The following CHRM3 variants were observed in gnomAD, a reference collection of about 807,000 sequenced individuals.
The protein encoded by CHRM3 is cholinergic receptor muscarinic 3.
A neutral mutation model predicts 41.8 loss-of-function variants in CHRM3; 11 were observed. The ratio of observed to expected loss-of-function variants is 0.26; its 90% CI spans 0.17 to 0.44. CHRM3 has a LOEUF of 0.44. Ranked by LOEUF, CHRM3 falls within the 20% of genes least tolerant of loss-of-function variation. CHRM3 has a pLI of 1.00. For synonymous variants in CHRM3, 297 were observed against 301.4 expected, an observed-to-expected ratio of 0.99 and a Z score of 0.15; for missense variants, 571 against 745.4, an observed-to-expected ratio of 0.77 and a Z score of 2.72.
intron 5 of CHRM3, among the ~76,000 whole-genome samples, chr1:239,701,358 T>C (rs185838329): frequency 1.3e-3 from 191 of 152,278 alleles, no homozygotes; most frequent in South Asian, 3.7e-3. Context: ...GACAGAGGGG[T>C]GCCCAGAGGC....
At chr1:239,883,548 G>C (rs1301575915) in intron 6 of CHRM3, among the ~76,000 whole-genome samples, 1 of 152,118 alleles carries the variant, frequency 6.6e-6, no homozygotes, top group Non-Finnish European at 1.5e-5. Flanking sequence ...AAATTTATTT[G>C]ATCCTCCCTA....
chr1:239,534,504 T>C (rs1055977185), intron 2 of CHRM3, among the ~76,000 whole-genome samples: 1 of 152,234 alleles, frequency 6.6e-6, no homozygotes, highest in African/African-American at 2.4e-5. Context: ...TCTGTACTGA[T>C]GCCAAAGTTA....
At chr1:239,727,475 A>C (rs528438692) in intron 5 of CHRM3, among the ~76,000 whole-genome samples, 9 of 151,902 alleles carry the variant, frequency 5.9e-5, no homozygotes, top group Non-Finnish European at 1.3e-4. Context: ...CTTCATGCTT[A>C]TTATGAATTT....
At position 239,731,255 on chromosome 1, in the gene CHRM3, C is replaced by T. The variant is rs559742599; in HGVS notation, c.-147+52967C>T. ...AGGCTAAAAATAGAGATCCAGGAGT[C>T]ATCACTATATGGATGTCAGTGGAAT... is the stretch of plus-strand genomic sequence containing the variant. On this transcript the variant is annotated intron_variant, in intron 5 of 6. Transcript: ENST00000676153. Among the ~76,000 whole-genome samples the T allele has an allele frequency of 3.3e-5, 5 of 151,952 alleles. No homozygotes were observed. In the East Asian group the frequency reaches 5.9e-4, roughly 18 times the overall value.
chr1:239,428,676 CCT>C (rs754232313), intron 1 of CHRM3, among the ~76,000 whole-genome samples: 2 of 152,014 alleles, frequency 1.3e-5, no homozygotes, highest in Non-Finnish European at 2.9e-5. Context: ...AAATATTTTC[CCT>C]GTTTTAGTTT....
chr1:239,689,344 A>G (rs1659483789), intron 5 of CHRM3, among the ~76,000 whole-genome samples: 1 of 152,232 alleles, frequency 6.6e-6, no homozygotes, highest in South Asian at 2.1e-4. Flanking sequence ...ATGTTGCCTT[A>G]GCTTTGAGTA....
At chr1:239,805,352 G>A (rs1670549000) in intron 5 of CHRM3, among the ~76,000 whole-genome samples, 1 of 152,162 alleles carries the variant, frequency 6.6e-6, no homozygotes, top group African/African-American at 2.4e-5. Context: ...CATTTCACTC[G>A]GGACCCTTCA....
chr1:239,891,282 C>T (rs1462236340), intron 6 of CHRM3, among the ~76,000 whole-genome samples: 1 of 152,148 alleles, frequency 6.6e-6, no homozygotes, highest in African/African-American at 2.4e-5. Context: ...TAATTCCAGA[C>T]ACCTAACCTC....
intron 1 of CHRM3, among the ~76,000 whole-genome samples, chr1:239,414,240 A>T (rs1178843714): frequency 6.6e-6 from 1 of 152,200 alleles, no homozygotes; most frequent in Non-Finnish European, 1.5e-5. Flanking sequence ...TTAATTTGGT[A>T]TTGAACACAT....
At chr1:239,404,408 GAAA>G (rs773489004) in intron 1 of CHRM3, among the ~76,000 whole-genome samples, 3 of 38,784 alleles carry the variant, frequency 7.7e-5, no homozygotes, top group East Asian at 6.5e-4. Context: ...AAGAAAGAAA[GAAA>G]AAGAAAGAAA....
chr1:239,489,139 C>T (rs1055193893), intron 1 of CHRM3, among the ~76,000 whole-genome samples: 9 of 152,010 alleles, frequency 5.9e-5, no homozygotes, highest in Non-Finnish European at 1.2e-4. Flanking sequence ...GGGGGCCAGG[C>T]GTGGTGGCTC....
chr1:239,895,425 G>C (rs10926005), intron 6 of CHRM3, among the ~76,000 whole-genome samples: 40,605 of 151,860 alleles, frequency 0.27, 6,208 homozygotes, highest in African/African-American at 0.41. Flanking sequence ...CCTTTTCACA[G>C]ATCTTGCTTT....
intron 4 of CHRM3, among the ~76,000 whole-genome samples, chr1:239,650,517 T>G (rs907702534): frequency 4.6e-5 from 7 of 152,162 alleles, no homozygotes; most frequent in Admixed American, 6.5e-5. Context: ...CCACAGAAAT[T>G]GGTAACTTTC....
chr1:239,393,022 T>C (rs1409861969), intron 1 of CHRM3, among the ~76,000 whole-genome samples: 4 of 152,112 alleles, frequency 2.6e-5, no homozygotes, highest in Non-Finnish European at 4.4e-5. Flanking sequence ...TGGCTGAGCA[T>C]AGTGGCATAC....
intron 1 of CHRM3, among the ~76,000 whole-genome samples, chr1:239,402,801 A>C (rs1427904876): frequency 6.6e-6 from 1 of 152,232 alleles, no homozygotes; most frequent in East Asian, 1.9e-4. Flanking sequence ...ATTTACATAT[A>C]ACCTATGCAT....
chr1:239,797,332 T>A (rs1318131873), intron 5 of CHRM3, among the ~76,000 whole-genome samples: 2 of 151,760 alleles, frequency 1.3e-5, no homozygotes, highest in Non-Finnish European at 2.9e-5. Flanking sequence ...AACCTGCACA[T>A]GTACCCCTGA....
At chr1:239,760,440 A>G (rs992626657) in intron 5 of CHRM3, among the ~76,000 whole-genome samples, 9 of 152,090 alleles carry the variant, frequency 5.9e-5, no homozygotes, top group Non-Finnish European at 1.2e-4. Context: ...ATCGTCCACT[A>G]ACCTGTCTTT....
At chr1:239,634,302 G>C (rs1420652781) in intron 4 of CHRM3, among the ~76,000 whole-genome samples, 3 of 151,676 alleles carry the variant, frequency 2.0e-5, no homozygotes, top group Admixed American at 1.3e-4. Context: ...TAAGTGAACT[G>C]AGTCTATTCC....
rs1673597045 is a variant in CHRM3 at position 239,839,431 on chromosome 1, A to G, written c.-20+12053A>G. Among the ~76,000 whole-genome samples the G allele has an allele frequency of 2.0e-5, 3 of 152,292 alleles. No homozygotes were observed. In the South Asian group the frequency reaches 6.2e-4, roughly 32 times the overall value. On this transcript the variant is annotated intron_variant, in intron 6 of 6. Coordinates refer to ENST00000676153, the MANE Select transcript of CHRM3 (RefSeq NM_001375978.1). Reference sequence around the variant, plus strand: ...CTCTGTTGGGCTTTTGGAATGCACTATGGGGTCTGTAAATGAAAGTATGGG... The same window carrying G: ...CTCTGTTGGGCTTTTGGAATGCACTGTGGGGTCTGTAAATGAAAGTATGGG...
Sources: allele counts gnomAD v4.1 joint callset (sites outside exome capture counted in the v4.1 genomes callset), GRCh38; gene constraint gnomAD v4.1.1; transcripts MANE v1.5; gene names NCBI Gene and HGNC (gene_info 2026-07-23, HGNC 2026-07-21).